Variants in RANBP2 observed in about 807,000 individuals in gnomAD.
The protein encoded by RANBP2 is RAN binding protein 2, also known as E3 SUMO-protein ligase RanBP2.
Under a neutral mutation model 303.6 loss-of-function variants are expected in RANBP2, and 57 were observed. The observed-to-expected ratio is 0.19, with a 90% CI of 0.15 to 0.23. The LOEUF (loss-of-function observed/expected upper bound fraction) is 0.23, where lower values mean the gene tolerates loss of function less well. Among genes scored for constraint, RANBP2 ranks in the 10% least tolerant of loss-of-function variants. RANBP2 has a pLI of 1.00. For synonymous variants in RANBP2, 1,167 were observed against 1,301.5 expected (o/e 0.90, Z 2.23); for missense variants, 3,138 against 3,780.8 (o/e 0.83, Z 4.46).
chr2:109,455,364 C>T, the RANBP2 span, among the ~76,000 whole-genome samples: 44 of 152,200 alleles, frequency 2.9e-4, no homozygotes, highest in South Asian at 2.1e-4. Flanking sequence ...TGTGGATGAC[C>T]GACATAATCA....
At chr2:109,578,522 T>C in the RANBP2 span, among the ~76,000 whole-genome samples, 1 of 70,938 alleles carries the variant, frequency 1.4e-5, no homozygotes, top group African/African-American at 5.4e-5. Context: ...TCCCAGCACT[T>C]TGGGAGGCCG....
the RANBP2 span, among the ~76,000 whole-genome samples, chr2:109,458,538 C>T: frequency 7.5e-6 from 1 of 132,938 alleles, no homozygotes. Context: ...TTGTATCAGT[C>T]AGGGATCTCC....
chr2:108,929,088 C>T, the RANBP2 span: 81 of 1,281,078 alleles, frequency 6.3e-5, 1 homozygote, highest in South Asian at 9.2e-4. Context: ...TGTGCGGCTG[C>T]ACCGAGGCCT....
At chr2:108,844,845 T>G in the RANBP2 span, among the ~76,000 whole-genome samples, 1 of 151,824 alleles carries the variant, frequency 6.6e-6, no homozygotes, top group Non-Finnish European at 1.5e-5. Flanking sequence ...ACTCCCAGGT[T>G]CAAGCGATTC....
At chr2:109,052,616 C>T in the RANBP2 span, among the ~76,000 whole-genome samples, 1 of 152,294 alleles carries the variant, frequency 6.6e-6, no homozygotes, top group Admixed American at 6.5e-5. Flanking sequence ...TGCCTAGTGT[C>T]CTCGTAGTTT....
the RANBP2 span, among the ~76,000 whole-genome samples, chr2:108,979,236 T>C: frequency 0.77 from 117,812 of 152,080 alleles, 47,168 homozygotes; most frequent in South Asian, 0.87. Context: ...AGAATCTGCG[T>C]CTTAGAGCCC....
chr2:109,531,845 T>C, the RANBP2 span, among the ~76,000 whole-genome samples: 3 of 152,248 alleles, frequency 2.0e-5, no homozygotes, highest in Non-Finnish European at 4.4e-5. Context: ...GTCATCATGG[T>C]CACCTCAAGG....
At chr2:109,276,018 A>T in the RANBP2 span, among the ~76,000 whole-genome samples, 1 of 152,174 alleles carries the variant, frequency 6.6e-6, no homozygotes, top group Non-Finnish European at 1.5e-5. Flanking sequence ...AATCCTGGAG[A>T]GGATTTCATG....
rs756564826 is a variant in RANBP2 at position 108,782,756 on chromosome 2, T to C, written c.9263T>C (p.Ile3088Thr). The C allele has an allele frequency of 2.5e-6, 4 of 1,614,190 alleles. No homozygotes were observed. In the South Asian group the frequency reaches 4.4e-5, roughly 18 times the overall value. Residue 3088 changes from isoleucine (I) to threonine (T), a missense_variant, in exon 28 of 29, where the codon ATT (isoleucine) becomes ACT (threonine). Around this residue, in one of 20 missense-constraint regions of RANBP2, gnomAD observed 204 missense variants for 228.4 expected, o/e 0.89. Transcript: ENST00000283195. The stretch of plus-strand genomic sequence containing the variant: ...ATAACTATGGAATTATTTTCAAACA[T>C]TGTTCCTCGGACTGCTGAGAACTTC... ...GRITMELFSN[I>T]VPRTAENFRA... is the part of the protein sequence containing the mutation.
At chr2:109,492,447 A>T in the RANBP2 span, among the ~76,000 whole-genome samples, 1 of 152,094 alleles carries the variant, frequency 6.6e-6, no homozygotes, top group Admixed American at 6.5e-5. Flanking sequence ...TGTTAGCATC[A>T]CAAGAGCTGG....
chr2:109,104,663 T>C, the RANBP2 span, among the ~76,000 whole-genome samples: 19 of 152,234 alleles, frequency 1.2e-4, no homozygotes, highest in African/African-American at 4.6e-4. Flanking sequence ...TTTGTATTTT[T>C]AGTAGAGACG....
chr2:108,735,400 G>C, intron 4 of RANBP2, 132 bp from the exon 5 acceptor site: 1 of 1,549,186 alleles, frequency 6.5e-7, no homozygotes, highest in Non-Finnish European at 8.8e-7. Context: ...GATGAATAAG[G>C]TATATAGGAT....
At chr2:109,182,082 G>A in the RANBP2 span, among the ~76,000 whole-genome samples, 82 of 152,204 alleles carry the variant, frequency 5.4e-4, no homozygotes, top group Admixed American at 1.7e-3. Flanking sequence ...TTGAAAAGTA[G>A]GTAATTGCTT....
intron 7 of RANBP2, among the ~76,000 whole-genome samples, chr2:108,743,131 T>C (rs1696247475): frequency 6.6e-6 from 1 of 152,208 alleles, no homozygotes; most frequent in African/African-American, 2.4e-5. Context: ...TTTATCTGTC[T>C]GTGTGTCTAT....
chr2:109,672,851 T>A, the RANBP2 span, among the ~76,000 whole-genome samples: 1 of 152,224 alleles, frequency 6.6e-6, no homozygotes, highest in East Asian at 1.9e-4. Flanking sequence ...AGTAGATTGG[T>A]TGCAGTTTCT....
the RANBP2 span, among the ~76,000 whole-genome samples, chr2:109,676,849 T>C: frequency 6.6e-6 from 1 of 152,190 alleles, no homozygotes; most frequent in African/African-American, 2.4e-5. Flanking sequence ...GGGTTTCTCT[T>C]TGGCGTCTGT....
At chr2:109,610,386 C>T in the RANBP2 span, among the ~76,000 whole-genome samples, 1 of 152,094 alleles carries the variant, frequency 6.6e-6, no homozygotes, top group African/African-American at 2.4e-5. Context: ...CTGCGCCCAG[C>T]CACTTCCCTG....
chr2:108,854,037 A>ATTTT, the RANBP2 span, among the ~76,000 whole-genome samples: 25 of 69,310 alleles, frequency 3.6e-4, no homozygotes, highest in African/African-American at 4.7e-4. Flanking sequence ...TATTATATAT[A>ATTTT]ATATATAATA....
the RANBP2 span, among the ~76,000 whole-genome samples, chr2:109,536,370 A>G: frequency 6.6e-6 from 1 of 152,212 alleles, no homozygotes; most frequent in South Asian, 2.1e-4. Context: ...CATGAAGTCA[A>G]AGGAGATCGT....
Sources: gnomAD v4.1 joint callset for allele counts (sites outside exome capture counted in the v4.1 genomes callset) on GRCh38, gnomAD v4.1.1 for gene constraint, gnomAD v4.1.1 regional missense constraint, MANE v1.5 for transcripts, NCBI Gene and HGNC (gene_info 2026-07-23, HGNC 2026-07-21) for gene names.